The following PAX2 variants were observed in gnomAD, a reference collection of about 807,000 sequenced individuals.
PAX2 encodes paired box protein Pax-2.
PAX2 carries 9 observed loss-of-function variants against 41.7 expected under a neutral mutation model. The observed-to-expected ratio is 0.22, with a 90% confidence interval of 0.13 to 0.38. The LOEUF is 0.38. PAX2 is among the 10% of genes least tolerant of loss of function. PAX2 has a pLI of 1.00. For missense variants in PAX2, 418 were observed against 531.6 expected (o/e 0.79, Z 2.10); for synonymous variants, 221 against 212.7 (o/e 1.04, Z -0.34).
At chr10:100,820,937 C>A (rs1351702822) in intron 7 of PAX2, among the ~76,000 whole-genome samples, 1 of 152,192 alleles carries the variant, frequency 6.6e-6, no homozygotes, top group East Asian at 1.9e-4. Flanking sequence ...ACTGTTTTCT[C>A]CTTTTTCTGT....
chr10:100,818,086 G>A (rs529596694), intron 7 of PAX2, among the ~76,000 whole-genome samples: 2 of 152,210 alleles, frequency 1.3e-5, no homozygotes, highest in Admixed American at 6.5e-5. Context: ...CTTCATTTTC[G>A]CTACCTTATG....
intron 1 of PAX2, among the ~76,000 whole-genome samples, chr10:100,740,280 T>G (rs1589798935): frequency 1.4e-5 from 2 of 147,668 alleles, no homozygotes; most frequent in African/African-American, 2.5e-5. Context: ...GGTTGGGGGG[T>G]GGGCAGTGAG....
At chr10:100,794,386 A>G (rs1847248250) in intron 5 of PAX2, among the ~76,000 whole-genome samples, 1 of 152,208 alleles carries the variant, frequency 6.6e-6, no homozygotes, top group Admixed American at 6.5e-5. Context: ...AAATAGAGGT[A>G]ATGGCATTTG....
intron 5 of PAX2, among the ~76,000 whole-genome samples, chr10:100,793,169 G>A (rs1171203105): frequency 2.0e-5 from 3 of 152,326 alleles, no homozygotes; most frequent in African/African-American, 4.8e-5. Context: ...GGCCCCACCC[G>A]CTCCCTGAGA....
intron 7 of PAX2, among the ~76,000 whole-genome samples, chr10:100,819,293 T>G (rs2133975427): frequency 6.9e-6 from 1 of 144,386 alleles, no homozygotes; most frequent in South Asian, 2.2e-4. Context: ...CAATGGCTGG[T>G]CCCAGTGGCT....
intron 5 of PAX2, among the ~76,000 whole-genome samples, chr10:100,793,291 A>G (rs908531176): frequency 2.0e-5 from 3 of 152,208 alleles, no homozygotes; most frequent in Non-Finnish European, 4.4e-5. Context: ...CAGTGCTCCC[A>G]GGCAGGAAAG....
intron 1 of PAX2, 129 bp from the exon 2 acceptor site, chr10:100,749,617 C>T: frequency 6.8e-7 from 1 of 1,464,718 alleles, no homozygotes. Flanking sequence ...CACCACCTTT[C>T]TTCTCAAGCT....
At chr10:100,808,067 A>G (rs998615707) in intron 6 of PAX2, among the ~76,000 whole-genome samples, 38 of 152,202 alleles carry the variant, frequency 2.5e-4, no homozygotes, top group African/African-American at 9.2e-4. Flanking sequence ...ATTTACTTTC[A>G]TTAGACTATT....
chr10:100,744,711 T>G (rs1335688815), upstream of PAX2, among the ~76,000 whole-genome samples: 1 of 152,112 alleles, frequency 6.6e-6, no homozygotes, highest in Non-Finnish European at 1.5e-5. Flanking sequence ...CTGTACCCCC[T>G]TCCCAGTCAC....
chr10:100,765,927 TCATC>T (rs1225766074), intron 3 of PAX2, among the ~76,000 whole-genome samples: 120 of 152,236 alleles, frequency 7.9e-4, no homozygotes, highest in African/African-American at 2.9e-3. Flanking sequence ...ATCATCATCA[TCATC>T]ATCATCATCA....
intron 3 of PAX2, among the ~76,000 whole-genome samples, chr10:100,754,820 C>A (rs527423957): frequency 6.6e-6 from 1 of 152,306 alleles, no homozygotes; most frequent in South Asian, 2.1e-4. Flanking sequence ...CCTGGCTTGG[C>A]ATGAAGCTTG....
At chr10:100,806,303 A>G (rs1015186582) in intron 5 of PAX2, 127 bp from the exon 6 acceptor site, 1 of 941,798 alleles carries the variant, frequency 1.1e-6, no homozygotes, top group Admixed American at 1.8e-5. Context: ...AGGGGCTGAG[A>G]GTAAGGGGTC....
intron 5 of PAX2, among the ~76,000 whole-genome samples, chr10:100,805,277 C>A (rs543056338): frequency 1.2e-4 from 19 of 152,142 alleles, no homozygotes; most frequent in Non-Finnish European, 2.2e-4. Flanking sequence ...TTGATTATAT[C>A]ATATCGTATA....
At chr10:100,817,484 G>A (rs965746936) in intron 7 of PAX2, among the ~76,000 whole-genome samples, 3 of 152,216 alleles carry the variant, frequency 2.0e-5, no homozygotes, top group Non-Finnish European at 4.4e-5. Flanking sequence ...AGAGGAGGGC[G>A]GGGTGCTGGG....
At position 100,772,070 on chromosome 10, in the gene PAX2, G is replaced by T. The variant is rs2034046692; in HGVS notation, c.411-7428G>T. Among the ~76,000 whole-genome samples, 7 of 152,150 alleles carry T rather than the reference G, an allele frequency of 4.6e-5. No individual in the cohort carries two copies. In the South Asian group the frequency reaches 1.5e-3, roughly 32 times the overall value. The stretch of plus-strand genomic sequence containing the variant: ...TTCACTTGCCTCGGCCTCCCAAAGT[G>T]TTGTGATTACAGGCGTGAGCCACTG... On this transcript the variant is annotated intron_variant, in intron 3 of 9. Transcript: ENST00000355243.
intron 1 of PAX2, chr10:100,749,227 C>T: frequency 4.0e-6 from 4 of 990,392 alleles, no homozygotes; most frequent in South Asian, 4.7e-5. Flanking sequence ...GTGTGTCAGG[C>T]ACTTATCCCC....
chr10:100,758,605 A>G (rs957372298), intron 3 of PAX2, among the ~76,000 whole-genome samples: 3 of 152,252 alleles, frequency 2.0e-5, no homozygotes, highest in Non-Finnish European at 4.4e-5. Context: ...CCCAGCAGGA[A>G]GAGGCTCCAG....
Position 100,828,478 on chromosome 10 carries a change from T to A in PAX2, c.*859T>A, listed in dbSNP as rs1848665134. 4.3e-6 allele frequency: 1 copy of A among 233,994 alleles called. No individual in the cohort carries two copies. Among genetic ancestry groups the A allele is most frequent in the South Asian group, 1.8e-4 (1 of 5,530 alleles). The allele number at this position is 233,994 out of a possible 1,614,324, so 14.5% of individuals were successfully genotyped here. A position where few individuals can be genotyped will look rare whatever the true frequency, so the allele number is the denominator to read the frequency against. ...TCTTCCACCTGCTGGCCTCCCAGTTTCCCCTCCTGCCAGTCCTTCGCCTGT... is the reference window on the plus strand; with the variant it reads ...TCTTCCACCTGCTGGCCTCCCAGTTACCCCTCCTGCCAGTCCTTCGCCTGT... On this transcript the variant is annotated 3_prime_UTR_variant, in exon 10 of 10. Coordinates refer to ENST00000355243, the MANE Select transcript of PAX2 (RefSeq NM_000278.5). This position sits in a 1 kb window ranked among gnomAD's most constrained non-coding sequence, Gnocchi z 6.5.
At position 100,829,729 on chromosome 10, in the gene PAX2, G is replaced by T. The variant is rs1020168868; in HGVS notation, c.*2110G>T. Reference sequence around the variant, plus strand: ...GTGGCCCGAACGGGGCGGCGAGGGCGGCGAGGGCGCCGAGGTCCGGCCCAT... The same window carrying T: ...GTGGCCCGAACGGGGCGGCGAGGGCTGCGAGGGCGCCGAGGTCCGGCCCAT... On this transcript the variant is annotated 3_prime_UTR_variant, in exon 10 of 10. Transcript: ENST00000355243. The T allele has an allele frequency of 2.5e-5, 5 of 202,962 alleles. No individual in the cohort carries two copies. Among genetic ancestry groups the T allele is most frequent in the Non-Finnish European group, 5.1e-5 (5 of 98,230 alleles). 12.6% of individuals were successfully genotyped at this position (202,962 alleles called of 1,614,324 possible).
Sources: gnomAD v4.1 joint callset for allele counts (sites outside exome capture counted in the v4.1 genomes callset) on GRCh38, gnomAD v4.1.1 for gene constraint, Gnocchi (gnomAD v3.1) non-coding constraint, MANE v1.5 for transcripts, NCBI Gene and HGNC (gene_info 2026-07-23, HGNC 2026-07-21) for gene names.